The following GLIS3 variants were observed in gnomAD, a reference collection of about 807,000 sequenced individuals.
GLIS3 encodes zinc finger protein GLIS3.
In GLIS3, 53 loss-of-function variants were observed where a neutral mutation model predicts 78.6. That is an observed-to-expected ratio of 0.67 (90% CI 0.54 to 0.85). GLIS3 has a LOEUF of 0.85. Among genes scored for constraint, GLIS3 ranks in the 40% least tolerant of loss-of-function variants. The pLI is 0.00. For missense variants in GLIS3, 1,703 were observed against 1,231.1 expected (o/e 1.38, Z -5.74); for synonymous variants, 684 against 509.9 (o/e 1.34, Z -4.60).
At chr9:4,340,710 A>G (rs1817821841) in intron 2 of GLIS3, among the ~76,000 whole-genome samples, 1 of 152,010 alleles carries the variant, frequency 6.6e-6, no homozygotes, top group African/African-American at 2.4e-5. Context: ...TTTTTTGGAG[A>G]CAGAGTCTCG....
chr9:3,910,716 C>G (rs530559255), intron 6 of GLIS3, among the ~76,000 whole-genome samples: 9 of 152,162 alleles, frequency 5.9e-5, no homozygotes. Context: ...TGATACTGGG[C>G]AAGTATATTC....
upstream of GLIS3, among the ~76,000 whole-genome samples, chr9:4,350,752 T>C (rs1000783498): frequency 1.3e-5 from 2 of 150,794 alleles, no homozygotes; most frequent in African/African-American, 4.9e-5. Flanking sequence ...CCTCTATGTC[T>C]CTTCTACCCA....
intron 4 of GLIS3, among the ~76,000 whole-genome samples, chr9:3,969,167 C>G (rs1290314455): frequency 6.6e-6 from 1 of 152,204 alleles, no homozygotes; most frequent in Non-Finnish European, 1.5e-5. Context: ...ACCTGGCAAA[C>G]TGAACAATGA....
chr9:3,843,878 G>T (rs1818875726), intron 9 of GLIS3, among the ~76,000 whole-genome samples: 2 of 152,102 alleles, frequency 1.3e-5, no homozygotes, highest in African/African-American at 4.8e-5. Context: ...AGAAGGGAGG[G>T]TTCAGTAGTC....
the GLIS3 span, among the ~76,000 whole-genome samples, chr9:4,468,877 G>A: frequency 2.6e-5 from 4 of 152,180 alleles, no homozygotes; most frequent in Non-Finnish European, 4.4e-5. Flanking sequence ...TCAGTGTGCT[G>A]TATTCAGGAG....
the GLIS3 span, among the ~76,000 whole-genome samples, chr9:4,377,460 C>T: frequency 6.6e-5 from 9 of 135,740 alleles, 1 homozygote; most frequent in African/African-American, 2.3e-4. Flanking sequence ...CTGCTTTGGA[C>T]TGAGCCACTA....
At chr9:3,962,819 TCAG>T (rs1200626070) in intron 4 of GLIS3, among the ~76,000 whole-genome samples, 4 of 152,040 alleles carry the variant, frequency 2.6e-5, no homozygotes, top group Non-Finnish European at 5.9e-5. Context: ...CCCTGCACTT[TCAG>T]GAGGAGTAAG....
At chr9:4,198,847 A>C (rs1819106157) in intron 2 of GLIS3, among the ~76,000 whole-genome samples, 1 of 152,212 alleles carries the variant, frequency 6.6e-6, no homozygotes, top group African/African-American at 2.4e-5. Flanking sequence ...GAGCCCCATC[A>C]GTTTAACAGC....
the GLIS3 span, among the ~76,000 whole-genome samples, chr9:4,426,880 A>G: frequency 1.3e-5 from 2 of 152,238 alleles, no homozygotes; most frequent in Admixed American, 6.5e-5. Flanking sequence ...TCCCTGGCAC[A>G]CTGAAAGCAT....
At chr9:4,326,695 T>C (rs1428635667) in intron 2 of GLIS3, among the ~76,000 whole-genome samples, 3 of 152,204 alleles carry the variant, frequency 2.0e-5, no homozygotes, top group Non-Finnish European at 4.4e-5. Context: ...TAGTAAATTT[T>C]ATGTTTTATA....
At chr9:4,085,451 C>G (rs1038227839) in intron 4 of GLIS3, among the ~76,000 whole-genome samples, 1 of 152,130 alleles carries the variant, frequency 6.6e-6, no homozygotes, top group Non-Finnish European at 1.5e-5. Flanking sequence ...TCTTGATGGC[C>G]ACTGCCACCC....
At chr9:3,905,553 G>C (rs1432004743) in intron 6 of GLIS3, among the ~76,000 whole-genome samples, 1 of 152,110 alleles carries the variant, frequency 6.6e-6, no homozygotes, top group African/African-American at 2.4e-5. Context: ...CTAGTAACAT[G>C]AATGCCTGCA....
At chr9:3,982,904 A>T (rs892752870) in intron 4 of GLIS3, among the ~76,000 whole-genome samples, 2 of 152,224 alleles carry the variant, frequency 1.3e-5, no homozygotes, top group Non-Finnish European at 2.9e-5. Context: ...ATAAGCACAA[A>T]TGAAGCCATA....
chr9:3,838,487 G>T (rs1818502261), intron 9 of GLIS3, among the ~76,000 whole-genome samples: 6 of 152,112 alleles, frequency 3.9e-5, no homozygotes, highest in Admixed American at 3.9e-4. Flanking sequence ...CTGAATCCAG[G>T]GATTCTGCTT....
chr9:4,116,284 G>A lies in GLIS3; in HGVS notation c.1710+1484C>T, dbSNP rs543435418. Among the ~76,000 whole-genome samples, 33 of 152,262 alleles carry A rather than the reference G, an allele frequency of 2.2e-4. 1 individual carries two copies. The highest frequency in any genetic ancestry group is 3.2e-4 in the Non-Finnish European group (22 of 68,026). On this transcript the variant is annotated intron_variant, in intron 4 of 10. Coordinates refer to ENST00000381971, the MANE Select transcript of GLIS3 (RefSeq NM_001042413.2). ...ATGTCTTTCCTGCCTGCAATAGGCC[G>A]GTGTGTTCCAGAGTAAATTGAATTG...
At chr9:4,261,870 G>A (rs1365056298) in intron 2 of GLIS3, among the ~76,000 whole-genome samples, 3 of 152,108 alleles carry the variant, frequency 2.0e-5, no homozygotes, top group East Asian at 3.9e-4. Context: ...GGACTTCTTT[G>A]AGTTTTTAAG....
At chr9:4,045,471 G>A (rs1351715408) in intron 4 of GLIS3, among the ~76,000 whole-genome samples, 2 of 151,618 alleles carry the variant, frequency 1.3e-5, no homozygotes, top group African/African-American at 4.9e-5. Flanking sequence ...GAGTAGCTGG[G>A]ATTAGAGGCA....
chr9:3,846,709 G>T (rs1376529063), intron 9 of GLIS3, among the ~76,000 whole-genome samples: 1 of 152,136 alleles, frequency 6.6e-6, no homozygotes, highest in African/African-American at 2.4e-5. Context: ...GGCTGCCATG[G>T]CCCAGAACTT....
chr9:4,052,216 A>C (rs1825794731), intron 4 of GLIS3, among the ~76,000 whole-genome samples: 1 of 152,234 alleles, frequency 6.6e-6, no homozygotes, highest in African/African-American at 2.4e-5. Context: ...CCTGAAATAA[A>C]GAACTAAGAC....
Sources: gnomAD v4.1 joint callset for allele counts (sites outside exome capture counted in the v4.1 genomes callset) on GRCh38, gnomAD v4.1.1 for gene constraint, MANE v1.5 for transcripts, NCBI Gene and HGNC (gene_info 2026-07-23, HGNC 2026-07-21) for gene names.